Variants in NNT observed in about 807,000 individuals in gnomAD.
NNT encodes NAD(P) transhydrogenase, mitochondrial.
Under a neutral mutation model 104.8 loss-of-function variants are expected in NNT, and 50 were observed. That is an observed-to-expected ratio of 0.48 (90% CI 0.38 to 0.60). The LOEUF (loss-of-function observed/expected upper bound fraction) is 0.60, where lower values mean the gene tolerates loss of function less well. NNT is among the 20% of genes least tolerant of loss of function. The probability of loss-of-function intolerance (pLI) is 0.00; values close to 1 mark genes in which losing one functional copy is unlikely to be tolerated. For synonymous variants in NNT, 461 were observed against 490.4 expected (o/e 0.94, Z 0.79); for missense variants, 1,131 against 1,330.7 (o/e 0.85, Z 2.33).
Position 43,676,527 on chromosome 5 carries a change from G to A in NNT, c.2794+857G>A, listed in dbSNP as rs142338724. On this transcript the variant is annotated intron_variant, in intron 18 of 21. Transcript: ENST00000344920. ...AATAGGTGGATTTGGGTTTTTGGTT[G>A]TCCAAAGATGGGAATGCTACTGTCA... Among the ~76,000 whole-genome samples, 986 of 152,312 alleles carry A rather than the reference G, an allele frequency of 6.5e-3. 2 individuals are homozygous for A. The highest frequency in any genetic ancestry group is 9.8e-3 in the Non-Finnish European group (666 of 68,014).
At chr5:43,686,850 T>G (rs923683562) in intron 19 of NNT, among the ~76,000 whole-genome samples, 1 of 152,134 alleles carries the variant, frequency 6.6e-6, no homozygotes, top group African/African-American at 2.4e-5. Flanking sequence ...GAGATTTTAT[T>G]ATCAATCCCA....
chr5:43,652,721 TA>T (rs1176462784), intron 13 of NNT, among the ~76,000 whole-genome samples: 1 of 152,168 alleles, frequency 6.6e-6, no homozygotes, highest in Non-Finnish European at 1.5e-5. Context: ...ACAACACAAA[TA>T]AAACATGTGG....
chr5:43,701,141 G>A (rs1227563988), intron 20 of NNT, among the ~76,000 whole-genome samples: 1 of 152,094 alleles, frequency 6.6e-6, no homozygotes, highest in Non-Finnish European at 1.5e-5. Context: ...AGGGGTACAT[G>A]TGCGGTTTGT....
chr5:43,644,920 C>T (rs1298372743), intron 9 of NNT, 118 bp downstream of exon 9: 51 of 677,844 alleles, frequency 7.5e-5, no homozygotes, highest in Non-Finnish European at 1.1e-4. Context: ...ATTGGTATGC[C>T]AGCTTTATGC....
chr5:43,668,678 T>C, intron 17 of NNT, among the ~76,000 whole-genome samples: 1 of 152,232 alleles, frequency 6.6e-6, no homozygotes, highest in Admixed American at 6.5e-5. Flanking sequence ...TTTTGGTTAC[T>C]GTAGCCTTGT....
intron 8 of NNT, 62 bp from the exon 9 acceptor site, chr5:43,644,549 G>A (rs1282174028): frequency 8.6e-6 from 12 of 1,396,468 alleles, no homozygotes; most frequent in Admixed American, 2.2e-5. Context: ...AATGATAATT[G>A]TTCTAGAATG....
intron 19 of NNT, among the ~76,000 whole-genome samples, chr5:43,696,336 C>T (rs947194494): frequency 6.6e-6 from 1 of 152,226 alleles, no homozygotes; most frequent in Non-Finnish European, 1.5e-5. Context: ...CCATGCCTCA[C>T]ATCCAGGTCA....
chr5:43,652,048 C>T (rs1739796103), intron 13 of NNT, among the ~76,000 whole-genome samples, 164 bp downstream of exon 13: 1 of 152,202 alleles, frequency 6.6e-6, no homozygotes, highest in African/African-American at 2.4e-5. Context: ...GCATTCTCTT[C>T]CCCTAAGGAT....
rs1751100042 is a variant in NNT, at chr5:43,639,336, A to G, written c.965-4856A>G. ...ACGTGAATCACAGCCATATGTGCAT[A>G]TATCAATAAATAGAACACATGCATG... is the stretch of plus-strand genomic sequence containing the variant. On this transcript the variant is annotated intron_variant, in intron 7 of 21. Transcript: ENST00000344920. Among the ~76,000 whole-genome samples the G allele has an allele frequency of 2.0e-5, 3 of 152,316 alleles. No individual in the cohort carries two copies. In the South Asian group the frequency reaches 6.2e-4, roughly 32 times the overall value.
chr5:43,625,374 T>C (rs1053405877), intron 6 of NNT, among the ~76,000 whole-genome samples: 1 of 152,186 alleles, frequency 6.6e-6, no homozygotes, highest in African/African-American at 2.4e-5. Flanking sequence ...TCAATTTTTC[T>C]TTATAATTTA....
chr5:43,627,950 T>G (rs10052717), intron 6 of NNT, among the ~76,000 whole-genome samples: 2,330 of 152,292 alleles, frequency 0.015, 61 homozygotes, highest in African/African-American at 0.049. Context: ...AATTGTGAAA[T>G]CGCTTTTGCA....
intron 7 of NNT, among the ~76,000 whole-genome samples, chr5:43,636,389 A>G (rs1038388378): frequency 3.0e-4 from 45 of 152,154 alleles, no homozygotes; most frequent in Non-Finnish European, 4.4e-5. Flanking sequence ...TTGGATGGCA[A>G]TGTGGCATGG....
chr5:43,690,278 T>G (rs1742200085), intron 19 of NNT, among the ~76,000 whole-genome samples: 1 of 152,152 alleles, frequency 6.6e-6, no homozygotes, highest in Non-Finnish European at 1.5e-5. Flanking sequence ...CTTCTGACCT[T>G]CAGCCCTTAA....
chr5:43,687,781 C>T (rs1484809469), intron 19 of NNT, among the ~76,000 whole-genome samples: 1 of 152,140 alleles, frequency 6.6e-6, no homozygotes, highest in Non-Finnish European at 1.5e-5. Flanking sequence ...TCAACAAAAA[C>T]ATTGTCTTTA....
At chr5:43,670,466 A>C (rs1158374532) in intron 17 of NNT, among the ~76,000 whole-genome samples, 1 of 152,126 alleles carries the variant, frequency 6.6e-6, no homozygotes, top group African/African-American at 2.4e-5. Context: ...TGTCCCAGAG[A>C]TTCTGGTATG....
At chr5:43,699,135 A>G (rs895543946) in intron 19 of NNT, among the ~76,000 whole-genome samples, 1 of 152,050 alleles carries the variant, frequency 6.6e-6, no homozygotes, top group Non-Finnish European at 1.5e-5. Context: ...AAAACTTTAA[A>G]GACCTCATTA....
At chr5:43,668,401 T>G (rs1052294932) in intron 17 of NNT, among the ~76,000 whole-genome samples, 1 of 152,214 alleles carries the variant, frequency 6.6e-6, no homozygotes, top group African/African-American at 2.4e-5. Flanking sequence ...TCTGGGGTTT[T>G]TATGATTTTA....
intron 18 of NNT, among the ~76,000 whole-genome samples, chr5:43,676,665 C>T (rs535358765): frequency 3.9e-5 from 6 of 152,224 alleles, no homozygotes; most frequent in Non-Finnish European, 5.9e-5. Context: ...CAATGCTGTT[C>T]TGGAGTGTAA....
chr5:43,664,390 A>T (rs1740519845), intron 17 of NNT, among the ~76,000 whole-genome samples: 1 of 152,220 alleles, frequency 6.6e-6, no homozygotes, highest in African/African-American at 2.4e-5. Flanking sequence ...AATGAAGTGG[A>T]TCAAAAGCCA....
Sources: allele counts gnomAD v4.1 joint callset (sites outside exome capture counted in the v4.1 genomes callset), GRCh38; gene constraint gnomAD v4.1.1; transcripts MANE v1.5; gene names NCBI Gene and HGNC (gene_info 2026-07-23, HGNC 2026-07-21).